CDH20: variants seen among roughly 807,000 people sequenced by gnomAD.
The protein encoded by CDH20 is cadherin 20, also known as cadherin-20.
Under a neutral mutation model 74.2 loss-of-function variants are expected in CDH20, and 29 were observed. The ratio of observed to expected loss-of-function variants is 0.39; its 90% CI spans 0.29 to 0.53. The LOEUF (loss-of-function observed/expected upper bound fraction) is 0.53, where lower values mean the gene tolerates loss of function less well. Ranked by LOEUF, CDH20 falls within the 20% of genes least tolerant of loss-of-function variation. The pLI is 0.69. For synonymous variants in CDH20, 469 were observed against 405.4 expected, an observed-to-expected ratio of 1.16 and a Z score of -1.88; for missense variants, 988 against 1,048.3, an observed-to-expected ratio of 0.94 and a Z score of 0.79.
chr18:61,478,816 CA>C lies in CDH20; in HGVS notation c.-152-11585del, dbSNP rs200423835. On this transcript the variant is annotated intron_variant, in intron 1 of 11. Transcript: ENST00000262717. The stretch of plus-strand genomic sequence containing the variant: ...AGAAGACAGCTGAGCCTAGAAGTTT[CA>C]TAATAGATCTTGAAAAAGCTTTAGA... Among the ~76,000 whole-genome samples, 1,483 of 152,250 alleles carry C rather than the reference CA, an allele frequency of 9.7e-3. 7 individuals are homozygous for C. The highest frequency in any genetic ancestry group is 0.014 in the Non-Finnish European group (945 of 68,014).
At chr18:61,398,708 T>C (rs1250295173) in intron 1 of CDH20, among the ~76,000 whole-genome samples, 4 of 152,210 alleles carry the variant, frequency 2.6e-5, no homozygotes, top group African/African-American at 9.6e-5. Flanking sequence ...TATATACTTT[T>C]CTGTTAGGTT....
chr18:61,438,126 T>G (rs12953373), intron 1 of CDH20, among the ~76,000 whole-genome samples: 3 of 151,962 alleles, frequency 2.0e-5, no homozygotes, highest in Non-Finnish European at 2.9e-5. Context: ...AAACTTACTA[T>G]GTCTCAGTTT....
intron 1 of CDH20, among the ~76,000 whole-genome samples, chr18:61,371,048 G>T (rs997789435): frequency 6.6e-6 from 1 of 152,028 alleles, no homozygotes; most frequent in African/African-American, 2.4e-5. Flanking sequence ...TGTTGATGGG[G>T]CCATGATCTC....
At chr18:61,335,126 C>T (rs1228779128) in intron 1 of CDH20, among the ~76,000 whole-genome samples, 1 of 152,190 alleles carries the variant, frequency 6.6e-6, no homozygotes. Context: ...ATCTGCTCAC[C>T]TTCCTCAGCC....
intron 1 of CDH20, among the ~76,000 whole-genome samples, chr18:61,427,528 T>A (rs1568135039): frequency 6.6e-6 from 1 of 152,218 alleles, no homozygotes; most frequent in African/African-American, 2.4e-5. Context: ...TGTCTGAGAC[T>A]ACCAAAAAGT....
chr18:61,390,762 G>T (rs1469626648), intron 1 of CDH20, among the ~76,000 whole-genome samples: 3 of 151,272 alleles, frequency 2.0e-5, no homozygotes, highest in Admixed American at 2.0e-4. Context: ...GCCTAGGTTA[G>T]GGAAGGAAAT....
chr18:61,344,744 A>G (rs1013286387), intron 1 of CDH20, among the ~76,000 whole-genome samples: 5 of 152,218 alleles, frequency 3.3e-5, no homozygotes, highest in Non-Finnish European at 5.9e-5. Flanking sequence ...ATGCTGTTCT[A>G]TAAATTAGGG....
chr18:61,473,922 G>A (rs1910279292), intron 1 of CDH20, among the ~76,000 whole-genome samples: 1 of 152,182 alleles, frequency 6.6e-6, no homozygotes, highest in East Asian at 1.9e-4. Flanking sequence ...GGAAAAGGTA[G>A]CTCGTTCTTT....
intron 1 of CDH20, among the ~76,000 whole-genome samples, chr18:61,358,139 G>C (rs1482179728): frequency 6.7e-6 from 1 of 148,702 alleles, no homozygotes; most frequent in African/African-American, 2.5e-5. Context: ...TTTCGAGATG[G>C]AGTCTTGCTG....
intron 1 of CDH20, among the ~76,000 whole-genome samples, chr18:61,472,582 T>C (rs953755897): frequency 6.6e-6 from 1 of 152,242 alleles, no homozygotes; most frequent in Non-Finnish European, 1.5e-5. Flanking sequence ...CTTTTCATCT[T>C]GTCTGTTATT....
intron 1 of CDH20, among the ~76,000 whole-genome samples, chr18:61,469,364 T>C (rs1365970973): frequency 2.8e-5 from 4 of 142,352 alleles, no homozygotes; most frequent in East Asian, 2.1e-4. Flanking sequence ...TGAGAATGAA[T>C]ACACACACAC....
Position 61,375,463 on chromosome 18 carries a change from C to T in CDH20, c.-153+41636C>T, listed in dbSNP as rs986387803. On this transcript the variant is annotated intron_variant, in intron 1 of 11. Transcript: ENST00000262717. Reference sequence around the variant, plus strand: ...TTTTAGTGAAAAGAAAGTTGCCATGCTGAATGCAGTGAAAAACAATCCTTC... The same window carrying T: ...TTTTAGTGAAAAGAAAGTTGCCATGTTGAATGCAGTGAAAAACAATCCTTC... 2.6e-5 allele frequency among the ~76,000 whole-genome samples: 4 copies of T among 152,152 alleles called. No individual in the cohort carries two copies. The South Asian group carries it at 8.3e-4, about 32-fold the overall frequency.
At chr18:61,524,065 A>G (rs1434290961) in intron 6 of CDH20, among the ~76,000 whole-genome samples, 1 of 152,244 alleles carries the variant, frequency 6.6e-6, no homozygotes, top group East Asian at 1.9e-4. Flanking sequence ...TATAATAATA[A>G]TAATAATAAT....
chr18:61,499,079 T>C (rs1022275952), intron 2 of CDH20, 107 bp from the exon 3 acceptor site: 1 of 816,416 alleles, frequency 1.2e-6, no homozygotes, highest in African/African-American at 1.7e-5. Flanking sequence ...ATTTGAAAAA[T>C]CTCCTTATGT....
rs1913564513 is a variant in CDH20 at position 61,554,622 on chromosome 18, C to T, written c.2333C>T (p.Thr778Met). The T allele has an allele frequency of 1.9e-6, 3 of 1,606,066 alleles. No homozygotes were observed. The highest frequency in any genetic ancestry group is 1.1e-5 in the South Asian group (1 of 89,982). The change falls in exon 12 of 12, where the codon ACG (threonine) becomes ATG (methionine). Residue 778 changes from threonine (T) to methionine (M), a missense_variant. Physicochemically the swap from Thr to Met is moderately conservative, Grantham distance 81. This residue lies in a region of CDH20 where 375 missense variants were observed against 293.1 expected (regional missense o/e 1.28). Coordinates refer to ENST00000262717, the MANE Select transcript of CDH20 (RefSeq NM_031891.4). ...TCGGAACAGAGCTTCGACTTCCTGA[C>T]GGACTGGGGGCCCCGCTTCCGGAAG... The part of the protein sequence containing the change: ...SDSEQSFDFL[T>M]DWGPRFRKLA...
At chr18:61,505,626 A>G (rs1266850162) in intron 5 of CDH20, among the ~76,000 whole-genome samples, 2 of 152,148 alleles carry the variant, frequency 1.3e-5, no homozygotes, top group African/African-American at 4.8e-5. Flanking sequence ...ATGAGCCACC[A>G]CACCCAGCCT....
intron 1 of CDH20, among the ~76,000 whole-genome samples, chr18:61,470,642 C>T (rs1910138292): frequency 6.6e-6 from 1 of 151,640 alleles, no homozygotes; most frequent in African/African-American, 2.4e-5. Context: ...TCAAGTGACA[C>T]CAGATAGAGA....
At chr18:61,432,140 C>T (rs1460861696) in intron 1 of CDH20, among the ~76,000 whole-genome samples, 4 of 150,190 alleles carry the variant, frequency 2.7e-5, no homozygotes, top group East Asian at 2.0e-4. Context: ...CCCAGCTACT[C>T]GAGAGACTGA....
intron 10 of CDH20, among the ~76,000 whole-genome samples, chr18:61,549,647 T>C (rs1217615813): frequency 6.6e-6 from 1 of 152,202 alleles, no homozygotes; most frequent in Non-Finnish European, 1.5e-5. Context: ...GTGATTGTTC[T>C]TTTCTGTCAA....
Sources: allele counts gnomAD v4.1 joint callset (sites outside exome capture counted in the v4.1 genomes callset), GRCh38; gene constraint gnomAD v4.1.1; regional missense constraint gnomAD v4.1.1; transcripts MANE v1.5; gene names NCBI Gene and HGNC (gene_info 2026-07-23, HGNC 2026-07-21).